The following C22orf39 variants were observed in gnomAD, a reference collection of about 807,000 sequenced individuals.
The protein encoded by C22orf39 is synaptic plasticity regulator PANTS.
Under a neutral mutation model 18.3 loss-of-function variants are expected in C22orf39, and 20 were observed. The observed-to-expected ratio is 1.09, with a 90% CI of 0.77 to 1.59. The LOEUF (loss-of-function observed/expected upper bound fraction) is 1.59, where lower values mean the gene tolerates loss of function less well. Ranked by LOEUF, C22orf39 falls within the 40% of genes most tolerant of loss-of-function variation. The probability of loss-of-function intolerance (pLI) is 0.00; values close to 1 mark genes in which losing one functional copy is unlikely to be tolerated. For missense variants in C22orf39, 195 were observed against 156.1 expected (o/e 1.25, Z -1.33); for synonymous variants, 63 against 59.6 (o/e 1.06, Z -0.26).
At chr22:19,447,642 C>T (rs768630889) in intron 1 of C22orf39, 23 bp downstream of exon 1, 1 of 1,608,288 alleles carries the variant, frequency 6.2e-7, no homozygotes, top group Non-Finnish European at 8.5e-7. Flanking sequence ...CGGTGGTTCC[C>T]GGCTCCGACC....
intron 2 of C22orf39, among the ~76,000 whole-genome samples, chr22:19,446,214 C>G (rs980014536): frequency 6.6e-6 from 1 of 152,112 alleles, no homozygotes; most frequent in Non-Finnish European, 1.5e-5. Context: ...TATAACAGCT[C>G]TTTATACACA....
In C22orf39 at chr22:19,441,990, T is replaced by TA. The variant is rs2089615486; in HGVS notation, c.*2274dup. The TA allele has an allele frequency of 3.8e-6, 1 of 263,916 alleles. No homozygotes were observed. The highest frequency in any genetic ancestry group is 5.4e-5 in the Admixed American group (1 of 18,434). 16.3% of individuals were successfully genotyped at this position (263,916 alleles called of 1,614,324 possible). A position where few individuals can be genotyped will look rare whatever the true frequency, so the allele number is the denominator to read the frequency against. Reference sequence around the variant, plus strand: ...ATTTTTTGTAGAGATGGGGTCTTGTTACGTTGCCCAGGCTGGTCTCGAACT... The same window carrying TA: ...ATTTTTTGTAGAGATGGGGTCTTGTTAACGTTGCCCAGGCTGGTCTCGAACT... On this transcript the variant is annotated 3_prime_UTR_variant, in exon 3 of 3. Coordinates refer to ENST00000399562, the MANE Select transcript of C22orf39 (RefSeq NM_173793.5).
Position 19,441,344 on chromosome 22 carries a change from C to T in C22orf39, c.*2921G>A. ...GGCTGTTTTTGCTCTGAAGAATTTC[C>T]TTGAGTTTCATCTGAGTTGCTGTGT... On this transcript the variant is annotated 3_prime_UTR_variant, in exon 3 of 3. Transcript: ENST00000399562. 3.3e-6 allele frequency: 1 copy of T among 306,704 alleles called. No individual in the cohort carries two copies. The allele number at this position is 306,704 out of a possible 1,614,324, so 19.0% of individuals were successfully genotyped here.
chr22:19,441,676 G>A lies in C22orf39; in HGVS notation c.*2589C>T, dbSNP rs1167414061. Reference sequence around the variant, plus strand: ...CCCAAGTAGCTGAGATTACAGGTGTGAGCCACCACACTTAGCACCTGTCCA... The same window carrying A: ...CCCAAGTAGCTGAGATTACAGGTGTAAGCCACCACACTTAGCACCTGTCCA... On this transcript the variant is annotated 3_prime_UTR_variant, in exon 3 of 3. Coordinates refer to ENST00000399562, the MANE Select transcript of C22orf39 (RefSeq NM_173793.5). The A allele has an allele frequency of 6.5e-7, 1 of 1,539,616 alleles. No individual in the cohort carries two copies. Among genetic ancestry groups the A allele is most frequent in the Non-Finnish European group, 8.8e-7 (1 of 1,137,126 alleles).
rs771216730 is a variant in C22orf39 at position 19,447,544 on chromosome 22, G to A, written c.26C>T (p.Pro9Leu). Residue 9 changes from proline to leucine, a missense_variant and splice_region_variant, in exon 2 of 3, where the codon CCG (proline) becomes CTG (leucine). Coordinates refer to ENST00000399562, the MANE Select transcript of C22orf39 (RefSeq NM_173793.5). ...GCGGTAGGCCTCGCAGGGGCGCGGC[G>A]GCTGCGGCGAGAGGCGGCGCCTGAG... is the stretch of plus-strand genomic sequence containing the variant. MADGSGWQPPRPCEAYRAE... is the reference protein window; with the variant it reads MADGSGWQLPRPCEAYRAE... 1.2e-5 allele frequency: 17 copies of A among 1,431,190 alleles called. No individual in the cohort carries two copies. The African/African-American group carries it at 2.4e-4, about 20-fold the overall frequency. The allele number at this position is 1,431,190 out of a possible 1,614,324, so 88.7% of individuals were successfully genotyped here.
chr22:19,443,823 G>A lies in C22orf39; in HGVS notation c.*442C>T, dbSNP rs1017839613. 67 of 985,578 alleles carry A rather than the reference G, an allele frequency of 6.8e-5. No individual in the cohort carries two copies. The highest frequency in any genetic ancestry group is 1.2e-4 in the Admixed American group (2 of 16,150). The allele number at this position is 985,578 out of a possible 1,614,324, so 61.1% of individuals were successfully genotyped here. A position where few individuals can be genotyped will look rare whatever the true frequency, so the allele number is the denominator to read the frequency against. ...TCACAATGCTCACCAAACCTGGGAC[G>A]TGGCAGGCAGTTTCCCAAGGACTAG... On this transcript the variant is annotated 3_prime_UTR_variant, in exon 3 of 3. Transcript: ENST00000399562.
At position 19,447,669 on chromosome 22, in the gene C22orf39, C is replaced by T. The variant is rs199635608; in HGVS notation, c.20G>A (p.Trp7Ter). The T allele has an allele frequency of 5.8e-5, 94 of 1,611,068 alleles. No homozygotes were observed. The highest frequency in any genetic ancestry group is 5.8e-5 in the Non-Finnish European group (68 of 1,179,012). MADGSG[W>*]QPPRPCEAYR... ...GCTCCGACCCAGCACACTCACCTGC[C>T]AGCCGCTGCCGTCCGCCATGTCTGG... is the stretch of plus-strand genomic sequence containing the variant. The change falls in exon 1 of 3, where the codon TGG becomes TAG. Residue 7 changes from tryptophan (W) to a stop codon, truncating the protein, a stop_gained. Coordinates refer to ENST00000399562, the MANE Select transcript of C22orf39 (RefSeq NM_173793.5). LOFTEE classifies it high-confidence loss of function.
rs1474468706 is a variant in C22orf39, at chr22:19,441,623, T to C, written c.*2642A>G. 8.3e-7 allele frequency: 1 copy of C among 1,211,494 alleles called. No homozygotes were observed. The highest frequency in any genetic ancestry group is 2.0e-5 in the Admixed American group (1 of 50,378). The allele number at this position is 1,211,494 out of a possible 1,614,324, so 75.0% of individuals were successfully genotyped here. A position where few individuals can be genotyped will look rare whatever the true frequency, so the allele number is the denominator to read the frequency against. On this transcript the variant is annotated 3_prime_UTR_variant, in exon 3 of 3. Coordinates refer to ENST00000399562, the MANE Select transcript of C22orf39 (RefSeq NM_173793.5). ...AGCTGACTGCAACCTCAAACTCCTA[T>C]CCTCAAGTGATTCTTCTGCCTCAGC...
chr22:19,443,455 C>T lies in C22orf39; in HGVS notation c.*810G>A. 2.0e-6 allele frequency: 2 copies of T among 985,820 alleles called. No homozygotes were observed. The highest frequency in any genetic ancestry group is 4.7e-5 in the South Asian group (1 of 21,288). 61.1% of individuals were successfully genotyped at this position (985,820 alleles called of 1,614,324 possible). Reference sequence around the variant, plus strand: ...ATACTGTCCAGGTACAACACTGTTACACACAAAATCTAACAAGTGTGAACT... The same window carrying T: ...ATACTGTCCAGGTACAACACTGTTATACACAAAATCTAACAAGTGTGAACT... On this transcript the variant is annotated 3_prime_UTR_variant, in exon 3 of 3. Coordinates refer to ENST00000399562, the MANE Select transcript of C22orf39 (RefSeq NM_173793.5).
chr22:19,441,846 G>T lies in C22orf39; in HGVS notation c.*2419C>A. 1.0e-6 allele frequency: 1 copy of T among 971,330 alleles called. No individual in the cohort carries two copies. 60.2% of individuals were successfully genotyped at this position (971,330 alleles called of 1,614,324 possible). On this transcript the variant is annotated 3_prime_UTR_variant, in exon 3 of 3. Coordinates refer to ENST00000399562, the MANE Select transcript of C22orf39 (RefSeq NM_173793.5). ...ATTGCTCTGTCACCCAGGTTGAAGT[G>T]CAGTGGGGCACAATCATGGCTCACT...
chr22:19,444,308 G>A lies in C22orf39; in HGVS notation c.275C>T (p.Pro92Leu). Residue 92 changes from proline to leucine, a missense_variant, in exon 3 of 3, where the codon CCT becomes CTT. Pro to Leu is a moderately conservative substitution (Grantham distance 98). Coordinates refer to ENST00000399562, the MANE Select transcript of C22orf39 (RefSeq NM_173793.5). ...ILVWAPRQSP[P>L]PDWHLPLPQE... ...TGGCAGAGGGAGATGCCAGTCTGGA[G>A]GGGGGCTCTGCCTCGGGGCCCACAC... is the stretch of plus-strand genomic sequence containing the variant. 2 of 1,600,486 alleles carry A rather than the reference G, an allele frequency of 1.2e-6. No individual in the cohort carries two copies. The highest frequency in any genetic ancestry group is 1.7e-6 in the Non-Finnish European group (2 of 1,175,444).
Position 19,447,645 on chromosome 22 carries a change from C to A in C22orf39, c.24+20G>T, listed in dbSNP as rs2089650970. On this transcript the variant is annotated intron_variant, in intron 1 of 2. Transcript: ENST00000399562. ...TCCGGAAGACCCCGGTGGTTCCCGG[C>A]TCCGACCCAGCACACTCACCTGCCA... The A allele has an allele frequency of 1.2e-6, 2 of 1,608,988 alleles. No homozygotes were observed. The highest frequency in any genetic ancestry group is 1.7e-6 in the Non-Finnish European group (2 of 1,178,184).
intron 2 of C22orf39, among the ~76,000 whole-genome samples, chr22:19,445,583 A>C (rs759234088): frequency 5.3e-5 from 8 of 152,206 alleles, no homozygotes; most frequent in Non-Finnish European, 1.2e-4. Context: ...CCAACACTGC[A>C]CAACTACCCA....
chr22:19,447,626 AGACCCC>A, intron 1 of C22orf39, 33 bp downstream of exon 1: 1 of 1,603,998 alleles, frequency 6.2e-7, no homozygotes, highest in Non-Finnish European at 8.5e-7. Flanking sequence ...TCCCTCCGGA[AGACCCC>A]GGTGGTTCCC....
At position 19,443,341 on chromosome 22, in the gene C22orf39, G is replaced by A; in HGVS notation, c.*924C>T. 2 of 985,508 alleles carry A rather than the reference G, an allele frequency of 2.0e-6. No individual in the cohort carries two copies. The highest frequency in any genetic ancestry group is 2.4e-6 in the Non-Finnish European group (2 of 829,918). 61.0% of individuals were successfully genotyped at this position (985,508 alleles called of 1,614,324 possible). On this transcript the variant is annotated 3_prime_UTR_variant, in exon 3 of 3. Transcript: ENST00000399562. ...CATAGGATGAGAAACCATTCTATTA[G>A]TAATAAACAGACCTCTTCAAGAAAT... is the stretch of plus-strand genomic sequence containing the variant.
intron 2 of C22orf39, among the ~76,000 whole-genome samples, chr22:19,446,044 T>C (rs1337650836): frequency 1.3e-5 from 2 of 152,196 alleles, no homozygotes; most frequent in East Asian, 1.9e-4. Flanking sequence ...CTCAAGCTCC[T>C]GGGCTCAAGC....
In C22orf39 at chr22:19,443,065, A is replaced by G. The variant is rs2089621751; in HGVS notation, c.*1200T>C. 3.4e-6 allele frequency: 3 copies of G among 881,658 alleles called. No individual in the cohort carries two copies. The highest frequency in any genetic ancestry group is 4.1e-6 in the Non-Finnish European group (3 of 735,844). The allele number at this position is 881,658 out of a possible 1,614,324, so 54.6% of individuals were successfully genotyped here. On this transcript the variant is annotated 3_prime_UTR_variant, in exon 3 of 3. Coordinates refer to ENST00000399562, the MANE Select transcript of C22orf39 (RefSeq NM_173793.5). The stretch of plus-strand genomic sequence containing the variant: ...CTCTTTAGATGCTCCTGCTCTTGGG[A>G]TCCCGTGAGCACAACCCCCACCCCC...
Position 19,441,715 on chromosome 22 carries a change from A to G in C22orf39, c.*2550T>C. 1.3e-6 allele frequency: 2 copies of G among 1,549,034 alleles called. No homozygotes were observed. The highest frequency in any genetic ancestry group is 1.4e-5 in the African/African-American group (1 of 72,968). On this transcript the variant is annotated 3_prime_UTR_variant, in exon 3 of 3. Coordinates refer to ENST00000399562, the MANE Select transcript of C22orf39 (RefSeq NM_173793.5). ...AGCACCTGTCCAAAAAGTTTGAAAG[A>G]TATTGCTCTTATTACAGTATTTGTT...
At chr22:19,446,480 C>T (rs773377725) in intron 2 of C22orf39, among the ~76,000 whole-genome samples, 2 of 152,162 alleles carry the variant, frequency 1.3e-5, no homozygotes, top group Non-Finnish European at 2.9e-5. Flanking sequence ...TTCTCTCCAT[C>T]TCCTCTCCCA....
Sources: allele counts gnomAD v4.1 joint callset (sites outside exome capture counted in the v4.1 genomes callset), GRCh38; gene constraint gnomAD v4.1.1; transcripts MANE v1.5; gene names NCBI Gene and HGNC (gene_info 2026-07-23, HGNC 2026-07-21).